The following TMEM131L variants were observed in gnomAD, a reference collection of about 807,000 sequenced individuals.
TMEM131L encodes the protein transmembrane 131 like.
In TMEM131L, 54 loss-of-function variants were observed where a neutral mutation model predicts 192.2. That is an observed-to-expected ratio of 0.28 (90% confidence interval 0.23 to 0.35). The LOEUF is 0.35. TMEM131L is among the 10% of genes least tolerant of loss of function. The pLI is 1.00. For missense variants in TMEM131L, 1,888 were observed against 1,972.9 expected (o/e 0.96, Z 0.82); for synonymous variants, 701 against 704.9 (o/e 0.99, Z 0.09).
chr4:153,520,056 A>G (rs7654351), intron 3 of TMEM131L, among the ~76,000 whole-genome samples: 81,479 of 152,004 alleles, frequency 0.54, 21,850 homozygotes, highest in East Asian at 0.6. Context: ...CCATATCTGC[A>G]CTGACTTTGG....
At chr4:153,510,042 G>A (rs1462446384) in intron 3 of TMEM131L, among the ~76,000 whole-genome samples, 1 of 152,166 alleles carries the variant, frequency 6.6e-6, no homozygotes, top group African/African-American at 2.4e-5. Context: ...GAGTGAAAGT[G>A]TATAGAAGCA....
chr4:153,548,740 A>G (rs1737383914), intron 3 of TMEM131L, among the ~76,000 whole-genome samples: 1 of 152,186 alleles, frequency 6.6e-6, no homozygotes, highest in East Asian at 1.9e-4. Context: ...GATTGCAACT[A>G]GATTCTTCCT....
intron 3 of TMEM131L, among the ~76,000 whole-genome samples, chr4:153,487,693 C>CGTGTGT (rs140651689): frequency 0.099 from 14,063 of 141,848 alleles, 802 homozygotes; most frequent in East Asian, 0.18. Flanking sequence ...GCTGCACAGG[C>CGTGTGT]GTGTGTGTGT....
At chr4:153,526,335 C>A (rs941415700) in intron 3 of TMEM131L, among the ~76,000 whole-genome samples, 3 of 152,212 alleles carry the variant, frequency 2.0e-5, no homozygotes, top group Admixed American at 6.5e-5. Flanking sequence ...AATCATTTAT[C>A]CCTAACTTCA....
At chr4:153,564,441 T>G (rs1489887476) in intron 7 of TMEM131L, among the ~76,000 whole-genome samples, 1 of 152,088 alleles carries the variant, frequency 6.6e-6, no homozygotes, top group African/African-American at 2.4e-5. Flanking sequence ...TTCCCAGAAC[T>G]GTGAGCAATA....
At chr4:153,517,493 C>T (rs1397140351) in intron 3 of TMEM131L, among the ~76,000 whole-genome samples, 1 of 152,090 alleles carries the variant, frequency 6.6e-6, no homozygotes, top group African/African-American at 2.4e-5. Flanking sequence ...TTAAAATACT[C>T]CACTTTGCCC....
At chr4:153,466,951 T>C (rs936077384) in intron 1 of TMEM131L, among the ~76,000 whole-genome samples, 8 of 152,038 alleles carry the variant, frequency 5.3e-5, no homozygotes, top group Non-Finnish European at 8.8e-5. Flanking sequence ...GTGTCTTCAC[T>C]CCCACTTCGT....
rs1296321588 is a variant in TMEM131L at position 153,581,452 on chromosome 4, A to C, written c.784A>C (p.Ile262Leu). 1 of 1,595,300 alleles carries C rather than the reference A, an allele frequency of 6.3e-7. No homozygotes were observed. The highest frequency in any genetic ancestry group is 1.7e-5 in the Admixed American group (1 of 58,666). The change falls in exon 9 of 35, where the codon ATA becomes CTA. Residue 262 changes from isoleucine to leucine, a missense_variant. By Grantham distance (5) the Ile-to-Leu change is conservative. Transcript: ENST00000409959. ...TGATGTTTTGCGTCTACAAATGAGC[A>C]TAATGGTAACAATGGAAAACTTTTC... ...SDDVLRLQMSIMVTMENFSKE... is the reference protein window; with the variant it reads ...SDDVLRLQMSLMVTMENFSKE...
At chr4:153,593,737 T>C (rs1578822211) in intron 18 of TMEM131L, 62 bp from the exon 19 acceptor site, 3 of 1,082,504 alleles carry the variant, frequency 2.8e-6, no homozygotes, top group East Asian at 2.4e-5. Flanking sequence ...CACACACTTA[T>C]TAAATCTTTC....
At chr4:153,574,877 T>G (rs749223671) in intron 7 of TMEM131L, among the ~76,000 whole-genome samples, 5 of 152,236 alleles carry the variant, frequency 3.3e-5, no homozygotes, top group Non-Finnish European at 5.9e-5. Context: ...TGTGAGCCAC[T>G]GCGCCCGGCC....
chr4:153,581,130 C>T (rs183067933), intron 8 of TMEM131L, among the ~76,000 whole-genome samples: 142 of 152,224 alleles, frequency 9.3e-4, no homozygotes, highest in African/African-American at 3.3e-3. Context: ...GGCGGGTGCC[C>T]GTAGTCCCAG....
chr4:153,617,066 A>G (rs1267490575), intron 26 of TMEM131L, among the ~76,000 whole-genome samples: 1 of 152,202 alleles, frequency 6.6e-6, no homozygotes, highest in Non-Finnish European at 1.5e-5. Context: ...AACTTCTACA[A>G]TTCCCACATG....
intron 4 of TMEM131L, among the ~76,000 whole-genome samples, chr4:153,551,359 AT>A (rs139166122): frequency 1.2e-3 from 168 of 145,922 alleles, no homozygotes; most frequent in South Asian, 1.1e-3. Flanking sequence ...TGAACTTGGA[AT>A]TTTTTTTTTT....
At chr4:153,630,898 T>C (rs1348637422) in intron 31 of TMEM131L, among the ~76,000 whole-genome samples, 1 of 152,198 alleles carries the variant, frequency 6.6e-6, no homozygotes, top group Non-Finnish European at 1.5e-5. Context: ...CTTGACTGGC[T>C]GTAAGGTTTA....
intron 3 of TMEM131L, among the ~76,000 whole-genome samples, chr4:153,511,432 A>C (rs1306819256): frequency 6.6e-6 from 1 of 152,162 alleles, no homozygotes; most frequent in Non-Finnish European, 1.5e-5. Flanking sequence ...GAATAATAAC[A>C]CGTGGAAACA....
intron 3 of TMEM131L, among the ~76,000 whole-genome samples, chr4:153,528,681 T>G (rs996291010): frequency 3.3e-5 from 5 of 152,298 alleles, no homozygotes; most frequent in Non-Finnish European, 7.4e-5. Context: ...GTGTTCATAT[T>G]AAAGTTGCTG....
At chr4:153,615,985 A>G (rs989933912) in intron 26 of TMEM131L, among the ~76,000 whole-genome samples, 2 of 151,934 alleles carry the variant, frequency 1.3e-5, no homozygotes, top group Non-Finnish European at 2.9e-5. Flanking sequence ...TGTCTTTACC[A>G]TTAGATCCCT....
intron 3 of TMEM131L, among the ~76,000 whole-genome samples, chr4:153,533,892 T>C (rs1432787776): frequency 1.3e-5 from 2 of 152,232 alleles, no homozygotes; most frequent in African/African-American, 4.8e-5. Context: ...ACCCGATATA[T>C]TTTTTAAGCT....
At chr4:153,609,887 G>A (rs1048204978) in intron 25 of TMEM131L, among the ~76,000 whole-genome samples, 13 of 152,094 alleles carry the variant, frequency 8.5e-5, no homozygotes, top group African/African-American at 3.1e-4. Context: ...TTCTTCTTAT[G>A]CTTTCTTTTT....
Sources: gnomAD v4.1 joint callset for allele counts (sites outside exome capture counted in the v4.1 genomes callset) on GRCh38, gnomAD v4.1.1 for gene constraint, MANE v1.5 for transcripts, NCBI Gene and HGNC (gene_info 2026-07-23, HGNC 2026-07-21) for gene names.